RTN1: variants seen among roughly 807,000 people sequenced by gnomAD.
RTN1 encodes the protein reticulon 1.
A neutral mutation model predicts 65.5 loss-of-function variants in RTN1; 25 were observed. The observed-to-expected ratio is 0.38, with a 90% CI of 0.28 to 0.53. The LOEUF (loss-of-function observed/expected upper bound fraction) is 0.53. Ranked by LOEUF, RTN1 falls within the 20% of genes least tolerant of loss-of-function variation. The probability of loss-of-function intolerance (pLI) is 0.79; values close to 1 mark genes in which losing one functional copy is unlikely to be tolerated. For missense variants in RTN1, 983 were observed against 1,025.4 expected, an observed-to-expected ratio of 0.96 and a Z score of 0.57; for synonymous variants, 471 against 447.6, an observed-to-expected ratio of 1.05 and a Z score of -0.66.
Position 59,868,399 on chromosome 14 carries a change from C to T in RTN1, c.241+1991G>A, listed in dbSNP as rs1887834153. ...TTGATTTTATTACTATATTTGTTGC[C>T]TAGGATAGAAAACCCCAAACACATT... On this transcript the variant is annotated intron_variant, in intron 1 of 8. Transcript: ENST00000267484. The surrounding 1 kb of genome is among the most constrained non-coding windows in gnomAD (Gnocchi z 4.0). 6.6e-6 allele frequency among the ~76,000 whole-genome samples: 1 copy of T among 152,006 alleles called. No individual in the cohort carries two copies. The highest frequency in any genetic ancestry group is 1.5e-5 in the Non-Finnish European group (1 of 68,014).
chr14:59,643,724 C>A (rs1882830920), intron 3 of RTN1, among the ~76,000 whole-genome samples: 1 of 152,086 alleles, frequency 6.6e-6, no homozygotes, highest in East Asian at 1.9e-4. Flanking sequence ...ATAGATCAGT[C>A]AGATTAAGTC....
intron 3 of RTN1, among the ~76,000 whole-genome samples, chr14:59,679,623 A>G (rs887053026): frequency 6.6e-6 from 1 of 152,214 alleles, no homozygotes; most frequent in African/African-American, 2.4e-5. Flanking sequence ...ATTGTTAATC[A>G]TTGTCACTGC....
At chr14:59,604,473 C>T (rs1011286218) in intron 5 of RTN1, 3 of 152,402 alleles carry the variant, frequency 2.0e-5, no homozygotes, top group Non-Finnish European at 2.9e-5. Context: ...CTGTTCTGGC[C>T]CACAATTTTT....
intron 3 of RTN1, among the ~76,000 whole-genome samples, chr14:59,640,222 T>C (rs1882748117): frequency 6.6e-6 from 1 of 152,228 alleles, no homozygotes; most frequent in Admixed American, 6.5e-5. Flanking sequence ...CTTTAATAGA[T>C]GTTAGGATTA....
At chr14:59,750,105 A>C (rs1346656984) in intron 1 of RTN1, among the ~76,000 whole-genome samples, 7 of 60,282 alleles carry the variant, frequency 1.2e-4, no homozygotes, top group African/African-American at 2.1e-4. Flanking sequence ...TATATATTAT[A>C]TATTATATAT....
At chr14:59,658,206 C>G (rs1309829045) in intron 3 of RTN1, among the ~76,000 whole-genome samples, 1 of 152,236 alleles carries the variant, frequency 6.6e-6, no homozygotes, top group Non-Finnish European at 1.5e-5. Context: ...CTAGATTACT[C>G]CTCTCTGGGC....
chr14:59,652,151 A>G (rs1370636942), intron 3 of RTN1, among the ~76,000 whole-genome samples: 1 of 152,244 alleles, frequency 6.6e-6, no homozygotes, highest in East Asian at 1.9e-4. Flanking sequence ...ACCAGTCAGA[A>G]TGACTATTAT....
chr14:59,845,236 A>C (rs1887386784), intron 1 of RTN1, among the ~76,000 whole-genome samples: 1 of 152,212 alleles, frequency 6.6e-6, no homozygotes, highest in Non-Finnish European at 1.5e-5. Flanking sequence ...TAACCATTAA[A>C]CCAAAAGGTA....
At chr14:59,819,124 G>A (rs372465942) in intron 1 of RTN1, among the ~76,000 whole-genome samples, 5 of 151,746 alleles carry the variant, frequency 3.3e-5, no homozygotes, top group South Asian at 2.1e-4. Flanking sequence ...CAGTGGATTT[G>A]TGGTCTCGCT....
At chr14:59,848,504 T>C (rs1282507696) in intron 1 of RTN1, among the ~76,000 whole-genome samples, 3 of 152,234 alleles carry the variant, frequency 2.0e-5, no homozygotes, top group Non-Finnish European at 4.4e-5. Flanking sequence ...ATATAACATA[T>C]GAAGGTTTTT....
chr14:59,612,194 T>C (rs193051106), intron 3 of RTN1, among the ~76,000 whole-genome samples: 16 of 152,328 alleles, frequency 1.1e-4, no homozygotes, highest in East Asian at 5.8e-4. Context: ...TTGCAGCCCA[T>C]TGGGCAGCAT....
At chr14:59,770,378 C>CAAAAAAAAAAAAAAAA (rs774086177) in intron 1 of RTN1, among the ~76,000 whole-genome samples, 1 of 53,752 alleles carries the variant, frequency 1.9e-5, no homozygotes. Context: ...AACTCTGCCT[C>CAAAAAAAAAAAAAAAA]AAAAAAAAAA....
intron 1 of RTN1, among the ~76,000 whole-genome samples, chr14:59,800,742 C>A (rs553827599): frequency 2.0e-5 from 3 of 152,040 alleles, no homozygotes; most frequent in Non-Finnish European, 4.4e-5. Context: ...AGAACATTGT[C>A]AAGAGATAAA....
chr14:59,723,496 A>T (rs1884692005), intron 3 of RTN1, among the ~76,000 whole-genome samples: 1 of 151,848 alleles, frequency 6.6e-6, no homozygotes, highest in African/African-American at 2.4e-5. Context: ...GGGCGCCTGT[A>T]GTCCCAGCTA....
intron 6 of RTN1, 93 bp from the exon 7 acceptor site, chr14:59,603,351 G>A: frequency 1.1e-6 from 1 of 950,442 alleles, no homozygotes; most frequent in Non-Finnish European, 1.6e-6. Context: ...TGATATTATA[G>A]CATTATTTGG....
At chr14:59,598,901 A>G (rs1022928050) in intron 8 of RTN1, among the ~76,000 whole-genome samples, 1 of 152,152 alleles carries the variant, frequency 6.6e-6, no homozygotes, top group Non-Finnish European at 1.5e-5. Flanking sequence ...TTACTATCAG[A>G]TTTCTAATAC....
At chr14:59,729,101 T>C (rs998889503) in intron 2 of RTN1, among the ~76,000 whole-genome samples, 5 of 152,038 alleles carry the variant, frequency 3.3e-5, no homozygotes, top group African/African-American at 1.2e-4. Context: ...ATTTAACACT[T>C]GAAGCAGGTG....
chr14:59,843,755 A>T (rs1263327885), intron 1 of RTN1, among the ~76,000 whole-genome samples: 1 of 152,228 alleles, frequency 6.6e-6, no homozygotes, highest in Non-Finnish European at 1.5e-5. Flanking sequence ...CCTGTGTCCT[A>T]TAAATGTCTT....
chr14:59,857,723 TCTA>T (rs943994105), intron 1 of RTN1, among the ~76,000 whole-genome samples: 3 of 152,242 alleles, frequency 2.0e-5, no homozygotes, highest in African/African-American at 7.2e-5. Context: ...CATCTTCTAT[TCTA>T]CTGTCAGACT....
Sources: gnomAD v4.1 joint callset for allele counts (sites outside exome capture counted in the v4.1 genomes callset) on GRCh38, gnomAD v4.1.1 for gene constraint, Gnocchi (gnomAD v3.1) non-coding constraint, MANE v1.5 for transcripts, NCBI Gene and HGNC (gene_info 2026-07-23, HGNC 2026-07-21) for gene names.